The following ADAM33 variants were observed in gnomAD, a reference collection of about 807,000 sequenced individuals.
ADAM33 encodes ADAM metallopeptidase domain 33.
In ADAM33, 103 loss-of-function variants were observed where a neutral mutation model predicts 106.2. The observed-to-expected ratio is 0.97, with a 90% CI of 0.83 to 1.14. ADAM33 has a LOEUF of 1.14. Ranked by LOEUF, ADAM33 falls within the 50% of genes most tolerant of loss-of-function variation. ADAM33 has a pLI of 0.00. For missense variants in ADAM33, 1,120 were observed against 1,096.6 expected (o/e 1.02, Z -0.30); for synonymous variants, 483 against 453.0 (o/e 1.07, Z -0.84).
chr20:3,671,223 C>A lies in ADAM33; in HGVS notation c.2092+14G>T. On this transcript the variant is annotated intron_variant, in intron 18 of 21. Transcript: ENST00000356518. ...CCACCCCAGCTCCTGCCCACATGCC[C>A]CCCACTGGCATACTTTCAGCCTGCA... The A allele has an allele frequency of 6.2e-7, 1 of 1,613,350 alleles. No homozygotes were observed. The highest frequency in any genetic ancestry group is 1.1e-5 in the South Asian group (1 of 91,062).
chr20:3,673,025 G>C (rs2087658162), intron 11 of ADAM33, 127 bp from the exon 12 acceptor site: 18 of 1,434,520 alleles, frequency 1.3e-5, no homozygotes, highest in Non-Finnish European at 1.5e-5. Context: ...GAAGTAACCC[G>C]CGCAAAGTCA....
At chr20:3,674,885 G>A in intron 4 of ADAM33, 36 bp from the exon 5 acceptor site, 2 of 1,608,704 alleles carry the variant, frequency 1.2e-6, no homozygotes, top group Non-Finnish European at 1.7e-6. Flanking sequence ...ATCTCAGCCA[G>A]GGCTGGAGCA....
intron 11 of ADAM33, 49 bp from the exon 12 acceptor site, chr20:3,672,947 C>T: frequency 6.8e-7 from 1 of 1,480,580 alleles, no homozygotes; most frequent in Non-Finnish European, 8.9e-7. Context: ...TCCCCCAACC[C>T]CCGCGCTTCT....
chr20:3,670,855 T>C, intron 19 of ADAM33, 151 bp downstream of exon 19: 1 of 1,204,370 alleles, frequency 8.3e-7, no homozygotes, highest in Non-Finnish European at 1.1e-6. Context: ...TGGAACCTCC[T>C]GTTCAAAGCT....
chr20:3,671,689 T>C lies in ADAM33; in HGVS notation c.1797A>G (p.Leu599=). The change falls in exon 16 of 22, where the codon CTA becomes CTG. Residue 599 remains leucine (L), a synonymous_variant. Coordinates refer to ENST00000356518, the MANE Select transcript of ADAM33 (RefSeq NM_025220.5). The part of the protein sequence containing the change: ...HMVPVDSTVH[L]DGQEVTCRGA... ...CCCGACAAGTCACTTCCTGGCCATC[T>C]AGGTGAACGGTAGAGTCCACTGGCA... 6.3e-7 allele frequency: 1 copy of C among 1,587,426 alleles called. No homozygotes were observed. Among genetic ancestry groups the C allele is most frequent in the Non-Finnish European group, 8.6e-7 (1 of 1,166,410 alleles).
rs1276789495 is a variant in ADAM33, at chr20:3,669,632, T to G, written c.2246A>C (p.Lys749Thr). ...GGGGTGGTCCCTGTGTGGGCCATCT[T>G]TGGGGCTGAGCAACGTGATAAGAGT... The part of the protein sequence containing the change: ...CRRDPACSGP[K>T]DGPHRDHPLG... Residue 749 changes from lysine to threonine, a missense_variant, in exon 20 of 22, where the codon AAA becomes ACA. Physicochemically the swap from Lys to Thr is moderately conservative, Grantham distance 78. Transcript: ENST00000356518. 2 of 1,600,964 alleles carry G rather than the reference T, an allele frequency of 1.2e-6. No homozygotes were observed. The highest frequency in any genetic ancestry group is 2.3e-5 in the South Asian group (2 of 87,926).
rs2087700632 is a variant in ADAM33 at position 3,673,466 on chromosome 20, C to T, written c.1021G>A (p.Ala341Thr). The stretch of plus-strand genomic sequence containing the variant: ...TGGCCGATCTCATGGGCCATGGTGG[C>T]TGCGGCGCCGATGGGGAGCTCCGAG... ...DHSELPIGAA[A>T]TMAHEIGHSL... is the part of the protein sequence containing the mutation. The change falls in exon 11 of 22, where the codon GCC becomes ACC. Residue 341 changes from alanine to threonine, a missense_variant. Transcript: ENST00000356518. The T allele has an allele frequency of 6.5e-7, 1 of 1,545,742 alleles. No homozygotes were observed. Among genetic ancestry groups the T allele is most frequent in the African/African-American group, 1.4e-5 (1 of 72,452 alleles).
chr20:3,681,852 G>C (rs1434214638), intron 1 of ADAM33, 56 bp downstream of exon 1: 1 of 1,567,388 alleles, frequency 6.4e-7, no homozygotes, highest in Non-Finnish European at 8.6e-7. Context: ...ACCCATCCCC[G>C]CCACCACCAC....
At position 3,671,322 on chromosome 20, in the gene ADAM33, G is replaced by T. The variant is rs2087518601; in HGVS notation, c.2007C>A (p.Cys669Ter). Residue 669 changes from cysteine to a stop codon, truncating the protein, a stop_gained, in exon 18 of 22, where the codon TGC becomes TGA. Coordinates refer to ENST00000356518, the MANE Select transcript of ADAM33 (RefSeq NM_025220.5). LOFTEE classifies it high-confidence loss of function. ...GTGGAGCCCAGCCTGGAGCACAGTG[G>T]CAGTTATGGTTGCTATTGCAAACCT... ...SHGVCNSNHN[C>*]HCAPGWAPPF... 6.2e-7 allele frequency: 1 copy of T among 1,613,812 alleles called. No individual in the cohort carries two copies. The highest frequency in any genetic ancestry group is 8.5e-7 in the Non-Finnish European group (1 of 1,179,962).
Position 3,679,533 on chromosome 20 carries a change from G to A in ADAM33, c.136C>T (p.Leu46=). 1 of 1,611,114 alleles carries A rather than the reference G, an allele frequency of 6.2e-7. No homozygotes were observed. Among genetic ancestry groups the A allele is most frequent in the Non-Finnish European group, 8.5e-7 (1 of 1,178,856 alleles). The part of the protein sequence containing the change: ...PGQPVTPHWV[L]DGQPWRTVSL... Reference sequence around the variant, plus strand: ...ACGGTGCGCCAGGGTTGTCCATCCAGGACCCAGTGCGGGGTGACTGGCTGC... The same window carrying A: ...ACGGTGCGCCAGGGTTGTCCATCCAAGACCCAGTGCGGGGTGACTGGCTGC... Residue 46 remains leucine (L), a synonymous_variant, in exon 2 of 22, where the codon CTG becomes TTG. Transcript: ENST00000356518.
chr20:3,669,694 G>T, intron 19 of ADAM33, 57 bp from the exon 20 acceptor site: 2 of 1,465,150 alleles, frequency 1.4e-6, no homozygotes, highest in Non-Finnish European at 1.9e-6. Context: ...GTGGGTTATT[G>T]CCTCCCCGCA....
chr20:3,679,639 G>A, intron 1 of ADAM33, 68 bp from the exon 2 acceptor site: 2 of 1,432,166 alleles, frequency 1.4e-6, no homozygotes, highest in Non-Finnish European at 1.9e-6. Flanking sequence ...CAAAGCAGAG[G>A]GAGGGGGGTA....
Position 3,671,235 on chromosome 20 carries a change from AC to A in ADAM33, c.2092+1del. 2.5e-6 allele frequency: 4 copies of A among 1,613,612 alleles called. No homozygotes were observed. Among genetic ancestry groups the A allele is most frequent in the Non-Finnish European group, 2.5e-6 (3 of 1,179,736 alleles). ...CTGCCCACATGCCCCCCACTGGCAT[AC>A]TTTCAGCCTGCACAGGGCCACTGTC... On this transcript the variant is annotated splice_donor_variant, in intron 18 of 21. Transcript: ENST00000356518. LOFTEE classifies it high-confidence loss of function.
intron 3 of ADAM33, among the ~76,000 whole-genome samples, chr20:3,676,412 T>G (rs1233303541): frequency 6.6e-6 from 1 of 150,756 alleles, no homozygotes; most frequent in African/African-American, 2.5e-5. Context: ...CTTTTTTCTT[T>G]TCTTTCTTTT....
In ADAM33 at chr20:3,668,855, G is replaced by A; in HGVS notation, c.*108C>T. On this transcript the variant is annotated 3_prime_UTR_variant, in exon 22 of 22. Coordinates refer to ENST00000356518, the MANE Select transcript of ADAM33 (RefSeq NM_025220.5). ...GGAAGAAACTTCCAAGCTGCCTGCA[G>A]GTGCTGGAGGTCCGGTGATTCACTG... The A allele has an allele frequency of 1.5e-6, 2 of 1,343,184 alleles. No individual in the cohort carries two copies. Among genetic ancestry groups the A allele is most frequent in the Non-Finnish European group, 2.1e-6 (2 of 939,420 alleles). 83.2% of individuals were successfully genotyped at this position (1,343,184 alleles called of 1,614,324 possible). A position where few individuals can be genotyped will look rare whatever the true frequency, so the allele number is the denominator to read the frequency against.
chr20:3,671,780 C>A lies in ADAM33; in HGVS notation c.1707-1G>T. On this transcript the variant is annotated splice_acceptor_variant, in intron 15 of 21. Coordinates refer to ENST00000356518, the MANE Select transcript of ADAM33 (RefSeq NM_025220.5). LOFTEE classifies it high-confidence loss of function. ...CTGCAGCTTCCCACACAGGGCATCC[C>A]TGGGGAGGAAGTAGAGGGGGGTCAA... is the stretch of plus-strand genomic sequence containing the variant. 1 of 1,560,144 alleles carries A rather than the reference C, an allele frequency of 6.4e-7. No individual in the cohort carries two copies. The highest frequency in any genetic ancestry group is 1.4e-5 in the African/African-American group (1 of 73,542).
At chr20:3,673,025 G>A in intron 11 of ADAM33, 127 bp from the exon 12 acceptor site, 1 of 1,434,638 alleles carries the variant, frequency 7.0e-7, no homozygotes, top group Non-Finnish European at 9.1e-7. Flanking sequence ...GAAGTAACCC[G>A]CGCAAAGTCA....
chr20:3,678,152 GA>G (rs2088139693), intron 2 of ADAM33, among the ~76,000 whole-genome samples: 1 of 152,242 alleles, frequency 6.6e-6, no homozygotes, highest in Non-Finnish European at 1.5e-5. Context: ...TCTGCACCGG[GA>G]AAAAGGCCAT....
chr20:3,672,116 G>A lies in ADAM33; in HGVS notation c.1597+18C>T, dbSNP rs368007049. ...AGAGGATGGGGGGCAGGGTGCAAGGGTGCTCGTGTCCTCTCACCAGGCCCC... is the reference window on the plus strand; with the variant it reads ...AGAGGATGGGGGGCAGGGTGCAAGGATGCTCGTGTCCTCTCACCAGGCCCC... On this transcript the variant is annotated intron_variant, in intron 14 of 21. Transcript: ENST00000356518. The A allele has an allele frequency of 1.5e-5, 24 of 1,605,580 alleles. No individual in the cohort carries two copies. The African/African-American group carries it at 2.7e-4, about 18-fold the overall frequency.
Sources: gnomAD v4.1 joint callset for allele counts (sites outside exome capture counted in the v4.1 genomes callset) on GRCh38, gnomAD v4.1.1 for gene constraint, MANE v1.5 for transcripts, NCBI Gene and HGNC (gene_info 2026-07-23, HGNC 2026-07-21) for gene names.